CDH22: variants seen among roughly 807,000 people sequenced by gnomAD.
The protein encoded by CDH22 is cadherin 22, also known as cadherin-22.
CDH22 carries 30 observed loss-of-function variants against 58.4 expected under a neutral mutation model. The observed-to-expected ratio is 0.51, with a 90% confidence interval of 0.38 to 0.70. The LOEUF (loss-of-function observed/expected upper bound fraction) is 0.70, where lower values mean the gene tolerates loss of function less well. Ranked by LOEUF, CDH22 falls within the 30% of genes least tolerant of loss-of-function variation. The probability of loss-of-function intolerance (pLI) is 0.00; values close to 1 mark genes in which losing one functional copy is unlikely to be tolerated. For synonymous variants in CDH22, 513 were observed against 558.2 expected (o/e 0.92, Z 1.14); for missense variants, 1,014 against 1,233.9 (o/e 0.82, Z 2.67).
chr20:46,178,306 A>G, intron 10 of CDH22, 109 bp from the exon 11 acceptor site: 3 of 1,241,798 alleles, frequency 2.4e-6, no homozygotes, highest in Non-Finnish European at 3.4e-6. Context: ...GCCCCAAACT[A>G]CAGCCTCCCA....
At chr20:46,279,189 A>G (rs1341264536) in intron 1 of CDH22, among the ~76,000 whole-genome samples, 1 of 152,220 alleles carries the variant, frequency 6.6e-6, no homozygotes, top group Non-Finnish European at 1.5e-5. Context: ...CTCCTACAAC[A>G]TTGCAAAAGC....
intron 8 of CDH22, among the ~76,000 whole-genome samples, chr20:46,191,679 A>G (rs888319472): frequency 6.6e-6 from 1 of 152,222 alleles, no homozygotes; most frequent in Non-Finnish European, 1.5e-5. Context: ...AAAGTCTCAT[A>G]GGAGCTGGGA....
At chr20:46,305,313 T>C (rs2086669813) in intron 1 of CDH22, among the ~76,000 whole-genome samples, 1 of 152,198 alleles carries the variant, frequency 6.6e-6, no homozygotes, top group South Asian at 2.1e-4. Context: ...CACAAGGTTG[T>C]AGGAAGGAGA....
At chr20:46,194,609 G>A (rs1190479955) in intron 8 of CDH22, among the ~76,000 whole-genome samples, 4 of 152,230 alleles carry the variant, frequency 2.6e-5, no homozygotes, top group Non-Finnish European at 4.4e-5. Flanking sequence ...GCACACAGTA[G>A]GCACCTGCGC....
At chr20:46,196,308 C>G (rs1303546232) in intron 8 of CDH22, among the ~76,000 whole-genome samples, 1 of 151,760 alleles carries the variant, frequency 6.6e-6, no homozygotes. Flanking sequence ...CAGAGTCTTG[C>G]CTGTTGCCCA....
Position 46,210,188 on chromosome 20 carries a change from C to T in CDH22, c.1286+119G>A. Reference sequence around the variant, plus strand: ...CCTCTCTCCGCGCCTCCCTCCCCCACGCAGCCCCTTCCTTCGGCCCTGCCC... The same window carrying T: ...CCTCTCTCCGCGCCTCCCTCCCCCATGCAGCCCCTTCCTTCGGCCCTGCCC... On this transcript the variant is annotated intron_variant, in intron 7 of 11. Coordinates refer to ENST00000537909, the MANE Select transcript of CDH22 (RefSeq NM_021248.3). The surrounding 1 kb of genome is among the most constrained non-coding windows in gnomAD (Gnocchi z 4.5). The T allele has an allele frequency of 2.8e-6, 3 of 1,086,694 alleles. No homozygotes were observed. The highest frequency in any genetic ancestry group is 3.6e-6 in the Non-Finnish European group (3 of 826,614). The allele number at this position is 1,086,694 out of a possible 1,614,324, so 67.3% of individuals were successfully genotyped here. A position where few individuals can be genotyped will look rare whatever the true frequency, so the allele number is the denominator to read the frequency against.
intron 7 of CDH22, among the ~76,000 whole-genome samples, chr20:46,209,043 A>G (rs903761753): frequency 1.3e-5 from 2 of 152,236 alleles, no homozygotes; most frequent in African/African-American, 2.4e-5. Flanking sequence ...GAGACAAAAA[A>G]GGTAATCAGA....
intron 1 of CDH22, among the ~76,000 whole-genome samples, chr20:46,288,771 T>G (rs957088309): frequency 3.9e-5 from 6 of 152,174 alleles, no homozygotes; most frequent in Admixed American, 2.6e-4. Flanking sequence ...TCTTGCCAGC[T>G]CTACCTTAAA....
chr20:46,218,253 C>T (rs145863294), intron 4 of CDH22, among the ~76,000 whole-genome samples: 29 of 152,304 alleles, frequency 1.9e-4, no homozygotes, highest in Middle Eastern at 3.4e-3. Context: ...AACACACTTG[C>T]TCACACACAT....
rs559468876 is a variant in CDH22 at position 46,287,883 on chromosome 20, G to A, written c.-400+20372C>T. 5.9e-5 allele frequency among the ~76,000 whole-genome samples: 9 copies of A among 152,170 alleles called. No individual in the cohort carries two copies. In the East Asian group the frequency reaches 1.5e-3, roughly 26 times the overall value. ...CATGGGAGAGGAGGATGTTGTCCAGGTGAACAATAATGGTGGCTTGAAGTA... is the reference window on the plus strand; with the variant it reads ...CATGGGAGAGGAGGATGTTGTCCAGATGAACAATAATGGTGGCTTGAAGTA... On this transcript the variant is annotated intron_variant, in intron 1 of 11. Coordinates refer to ENST00000537909, the MANE Select transcript of CDH22 (RefSeq NM_021248.3).
In CDH22 at chr20:46,174,404, G is replaced by A. The variant is rs1352643645; in HGVS notation, c.*102C>T. Reference sequence around the variant, plus strand: ...CCGTCCAGCCGCCAAGGGAGGGTTGGGGGAGGGCAGGAAAGGGGGTCCGCG... The same window carrying A: ...CCGTCCAGCCGCCAAGGGAGGGTTGAGGGAGGGCAGGAAAGGGGGTCCGCG... On this transcript the variant is annotated 3_prime_UTR_variant, in exon 12 of 12. Coordinates refer to ENST00000537909, the MANE Select transcript of CDH22 (RefSeq NM_021248.3). This position sits in a 1 kb window ranked among gnomAD's most constrained non-coding sequence, Gnocchi z 4.4. The A allele has an allele frequency of 1.3e-5, 10 of 792,168 alleles. 1 individual carries two copies. The South Asian group carries it at 1.8e-4, about 14-fold the overall frequency. 49.1% of individuals were successfully genotyped at this position (792,168 alleles called of 1,614,324 possible). A position where few individuals can be genotyped will look rare whatever the true frequency, so the allele number is the denominator to read the frequency against.
intron 1 of CDH22, among the ~76,000 whole-genome samples, chr20:46,269,915 T>G (rs532679169): frequency 6.6e-6 from 1 of 152,294 alleles, no homozygotes; most frequent in East Asian, 1.9e-4. Context: ...GAGGTCTGAT[T>G]CATCTCCAAA....
intron 1 of CDH22, among the ~76,000 whole-genome samples, chr20:46,297,248 G>A (rs994919009): frequency 6.6e-6 from 1 of 152,140 alleles, no homozygotes; most frequent in East Asian, 1.9e-4. Flanking sequence ...AGGGATGCGG[G>A]CTCCTTGAGG....
intron 1 of CDH22, among the ~76,000 whole-genome samples, chr20:46,301,881 C>T (rs898452204): frequency 6.6e-6 from 1 of 152,106 alleles, no homozygotes; most frequent in East Asian, 1.9e-4. Context: ...AATAAGACAA[C>T]GAAAGAATGA....
intron 11 of CDH22, among the ~76,000 whole-genome samples, chr20:46,176,669 C>T (rs1018411956): frequency 2.0e-5 from 3 of 152,368 alleles, no homozygotes; most frequent in Admixed American, 1.3e-4. Flanking sequence ...CTGCTCACCA[C>T]CTAACAAGGT....
intron 3 of CDH22, among the ~76,000 whole-genome samples, chr20:46,230,357 A>G (rs1421224370): frequency 6.6e-6 from 1 of 152,096 alleles, no homozygotes; most frequent in Non-Finnish European, 1.5e-5. Flanking sequence ...GCTGATTTCC[A>G]TGGTGTAAAT....
At chr20:46,190,620 C>A (rs1170752495) in intron 8 of CDH22, among the ~76,000 whole-genome samples, 2 of 152,224 alleles carry the variant, frequency 1.3e-5, no homozygotes, top group Non-Finnish European at 2.9e-5. Flanking sequence ...GCAGTAGCTG[C>A]AATATGTTGT....
At chr20:46,195,215 G>A (rs1600690459) in intron 8 of CDH22, among the ~76,000 whole-genome samples, 1 of 152,194 alleles carries the variant, frequency 6.6e-6, no homozygotes, top group East Asian at 1.9e-4. Flanking sequence ...TTTTCCAACT[G>A]GGCATGCAAG....
At chr20:46,298,898 T>C (rs2086639714) in intron 1 of CDH22, among the ~76,000 whole-genome samples, 1 of 152,162 alleles carries the variant, frequency 6.6e-6, no homozygotes, top group South Asian at 2.1e-4. Context: ...TCCTATTTCC[T>C]TGGGGCCTTT....
Sources: allele counts gnomAD v4.1 joint callset (sites outside exome capture counted in the v4.1 genomes callset), GRCh38; gene constraint gnomAD v4.1.1; non-coding constraint Gnocchi (gnomAD v3.1); transcripts MANE v1.5; gene names NCBI Gene and HGNC (gene_info 2026-07-23, HGNC 2026-07-21).